Variants in ESRRG observed in about 807,000 individuals in gnomAD.
The protein encoded by ESRRG is estrogen-related receptor gamma.
A neutral mutation model predicts 44.0 loss-of-function variants in ESRRG; 13 were observed. The ratio of observed to expected loss-of-function variants is 0.30; its 90% CI spans 0.19 to 0.47. The LOEUF (loss-of-function observed/expected upper bound fraction) is 0.47. Among genes scored for constraint, ESRRG ranks in the 20% least tolerant of loss-of-function variants. The pLI is 1.00. For missense variants in ESRRG, 395 were observed against 580.6 expected (o/e 0.68, Z 3.29); for synonymous variants, 215 against 214.6 (o/e 1.00, Z -0.02).
chr1:217,012,056 A>G (rs554216737), intron 1 of ESRRG, among the ~76,000 whole-genome samples: 4 of 152,310 alleles, frequency 2.6e-5, no homozygotes, highest in East Asian at 1.9e-4. Context: ...TTTTAAGAAG[A>G]TGAGTACACA....
chr1:216,973,009 A>C lies in ESRRG; in HGVS notation c.-105-33336T>G, dbSNP rs193075863. ...CTTTGAAGCAGACCCAGGGAATCTAACCACTTCTCCCCACCTCCATGTCTA... is the reference window on the plus strand; with the variant it reads ...CTTTGAAGCAGACCCAGGGAATCTACCCACTTCTCCCCACCTCCATGTCTA... On this transcript the variant is annotated intron_variant, in intron 1 of 7. Transcript: ENST00000359162. Among the ~76,000 whole-genome samples the C allele has an allele frequency of 2.0e-5, 3 of 152,194 alleles. No homozygotes were observed. In the East Asian group the frequency reaches 5.8e-4, roughly 30 times the overall value.
chr1:216,570,507 CT>C (rs1350452669), intron 3 of ESRRG, among the ~76,000 whole-genome samples: 2 of 151,876 alleles, frequency 1.3e-5, no homozygotes, highest in East Asian at 3.9e-4. Context: ...TCAAAATTTT[CT>C]TCAGAATAGT....
In ESRRG at chr1:216,744,319, C is replaced by T. The variant is rs992765514; in HGVS notation, c.-13-66828G>A. Among the ~76,000 whole-genome samples, 6 of 152,226 alleles carry T rather than the reference C, an allele frequency of 3.9e-5. No homozygotes were observed. In the South Asian group the frequency reaches 6.2e-4, roughly 16 times the overall value. On this transcript the variant is annotated intron_variant, in intron 2 of 7. Transcript: ENST00000359162. ...ACATTGTTGTTAGCACTGCACTAGGCGCTAAACAAAATATTTACACACAGG... is the reference window on the plus strand; with the variant it reads ...ACATTGTTGTTAGCACTGCACTAGGTGCTAAACAAAATATTTACACACAGG...
intron 2 of ESRRG, among the ~76,000 whole-genome samples, chr1:216,908,906 T>G (rs1392163160): frequency 6.6e-6 from 1 of 152,128 alleles, no homozygotes; most frequent in African/African-American, 2.4e-5. Flanking sequence ...AACAATTTTT[T>G]TTCAATATTA....
chr1:217,006,347 C>T (rs1186636311), intron 1 of ESRRG, among the ~76,000 whole-genome samples: 2 of 152,030 alleles, frequency 1.3e-5, no homozygotes, highest in Non-Finnish European at 2.9e-5. Flanking sequence ...AACTTTAATT[C>T]TACAAATAAC....
chr1:217,081,807 C>G (rs1163434427), intron 1 of ESRRG, among the ~76,000 whole-genome samples: 1 of 152,124 alleles, frequency 6.6e-6, no homozygotes, highest in Non-Finnish European at 1.5e-5. Flanking sequence ...ATTTATAATA[C>G]TATTTCTAAG....
Position 216,856,390 on chromosome 1 carries a change from CTT to C in ESRRG, c.-14+83190_-14+83191del, listed in dbSNP as rs1351612902. Among the ~76,000 whole-genome samples, 13 of 150,746 alleles carry C rather than the reference CTT, an allele frequency of 8.6e-5. No individual in the cohort carries two copies. The East Asian group carries it at 1.6e-3, about 18-fold the overall frequency. ...ACACACACACACACACACACACACA[CTT>C]GGAACGAACAGAAGCGATTCGAGAG... is the stretch of plus-strand genomic sequence containing the variant. On this transcript the variant is annotated intron_variant, in intron 2 of 7. Transcript: ENST00000359162.
At chr1:217,119,278 C>A (rs2092786309) in intron 1 of ESRRG, among the ~76,000 whole-genome samples, 1 of 152,276 alleles carries the variant, frequency 6.6e-6, no homozygotes, top group South Asian at 2.1e-4. Flanking sequence ...TGTTTCACCA[C>A]AGATAGAGGC....
At chr1:216,721,787 A>G (rs2086350275) in intron 1 of ESRRG, among the ~76,000 whole-genome samples, 1 of 152,334 alleles carries the variant, frequency 6.6e-6, no homozygotes, top group East Asian at 1.9e-4. Context: ...TACAGCCCGA[A>G]GTACACTAAC....
At chr1:216,556,144 T>C (rs934425196) in intron 5 of ESRRG, among the ~76,000 whole-genome samples, 11 of 152,116 alleles carry the variant, frequency 7.2e-5, no homozygotes, top group Admixed American at 2.0e-4. Context: ...CACGAGGCTT[T>C]CTCTCTTTAA....
rs935295737 is a variant in ESRRG at position 217,086,365 on chromosome 1, T to A, written c.-106+3142A>T. ...TTTCATAGGGCTCAAATTATATCCATAACATGCTTTTTCCTCTGTGCATTC... is the reference window on the plus strand; with the variant it reads ...TTTCATAGGGCTCAAATTATATCCAAAACATGCTTTTTCCTCTGTGCATTC... On this transcript the variant is annotated intron_variant, in intron 1 of 7. Coordinates refer to the ESRRG transcript ENST00000359162. Among the ~76,000 whole-genome samples, 7 of 152,348 alleles carry A rather than the reference T, an allele frequency of 4.6e-5. No individual in the cohort carries two copies. In the East Asian group the frequency reaches 5.8e-4, roughly 13 times the overall value.
At chr1:216,608,382 C>G (rs566782242) in intron 3 of ESRRG, among the ~76,000 whole-genome samples, 3 of 152,294 alleles carry the variant, frequency 2.0e-5, no homozygotes, top group African/African-American at 7.2e-5. Flanking sequence ...TCAGGTCATA[C>G]ATTCATTTCA....
chr1:216,644,230 T>C (rs1172337767), intron 3 of ESRRG, among the ~76,000 whole-genome samples: 1 of 152,110 alleles, frequency 6.6e-6, no homozygotes, highest in Non-Finnish European at 1.5e-5. Context: ...TGGTGACTTA[T>C]TGCAAATGCC....
chr1:216,562,255 T>C (rs1224703182), intron 5 of ESRRG, among the ~76,000 whole-genome samples: 1 of 152,182 alleles, frequency 6.6e-6, no homozygotes, highest in Non-Finnish European at 1.5e-5. Context: ...TTTCACGCTG[T>C]TGTTAATAAC....
At chr1:216,664,605 G>T (rs1468013460) in intron 2 of ESRRG, among the ~76,000 whole-genome samples, 1 of 149,462 alleles carries the variant, frequency 6.7e-6, no homozygotes, top group Non-Finnish European at 1.5e-5. Context: ...TAGAACTTTG[G>T]TGTATATATA....
intron 1 of ESRRG, among the ~76,000 whole-genome samples, chr1:217,015,994 G>A (rs1407961174): frequency 2.0e-5 from 3 of 152,082 alleles, no homozygotes; most frequent in Admixed American, 1.3e-4. Flanking sequence ...GATTTAAAGT[G>A]AGAAAGAAAT....
chr1:217,078,421 C>A (rs950826110), intron 1 of ESRRG: 2 of 152,244 alleles, frequency 1.3e-5, no homozygotes, highest in Admixed American at 1.3e-4. Context: ...TACTGAAAAC[C>A]AATGGCATCA....
intron 5 of ESRRG, among the ~76,000 whole-genome samples, chr1:216,538,922 C>A (rs774279137): frequency 2.0e-5 from 3 of 151,986 alleles, no homozygotes; most frequent in Non-Finnish European, 4.4e-5. Flanking sequence ...GGAGATGATG[C>A]CACCTAGATA....
chr1:216,809,180 A>G (rs2094892005), intron 2 of ESRRG, among the ~76,000 whole-genome samples: 1 of 152,164 alleles, frequency 6.6e-6, no homozygotes, highest in Non-Finnish European at 1.5e-5. Flanking sequence ...CTTAGAAAGG[A>G]CAATTAAGCC....
Sources: gnomAD v4.1 joint callset for allele counts (sites outside exome capture counted in the v4.1 genomes callset) on GRCh38, gnomAD v4.1.1 for gene constraint, MANE v1.5 for transcripts, NCBI Gene and HGNC (gene_info 2026-07-23, HGNC 2026-07-21) for gene names.